The following TMEM184B variants were observed in gnomAD, a reference collection of about 807,000 sequenced individuals.
TMEM184B encodes transmembrane protein 184B, also known as putative MAPK-activating protein FM08.
TMEM184B carries 17 observed loss-of-function variants against 41.8 expected under a neutral mutation model. That is an observed-to-expected ratio of 0.41 (90% CI 0.28 to 0.61). The LOEUF is 0.61. Among genes scored for constraint, TMEM184B ranks in the 20% least tolerant of loss-of-function variants. The pLI, the probability that TMEM184B is intolerant of heterozygous loss-of-function variation, is 0.34. For synonymous variants in TMEM184B, 240 were observed against 229.5 expected, an observed-to-expected ratio of 1.05 and a Z score of -0.41; for missense variants, 393 against 557.8, an observed-to-expected ratio of 0.70 and a Z score of 2.98.
chr22:38,261,680 C>T (rs541078599), intron 1 of TMEM184B, among the ~76,000 whole-genome samples: 84 of 152,288 alleles, frequency 5.5e-4, no homozygotes, highest in African/African-American at 1.9e-3. Flanking sequence ...ATTGTTGAGC[C>T]CCTCTACATG....
chr22:38,237,888 G>C (rs1432316646), intron 3 of TMEM184B, among the ~76,000 whole-genome samples: 1 of 151,370 alleles, frequency 6.6e-6, no homozygotes, highest in Non-Finnish European at 1.5e-5. Flanking sequence ...TGCAACCTCT[G>C]CCTCCTGGGT....
In TMEM184B at chr22:38,221,443, A is replaced by G. The variant is rs1203840021; in HGVS notation, c.*26T>C. On this transcript the variant is annotated 3_prime_UTR_variant, in exon 9 of 9. Coordinates refer to ENST00000361906, the MANE Select transcript of TMEM184B (RefSeq NM_012264.5). ...ACAGCCTGACCGTGGCTATGGCGCC[A>G]GCACTTCCGCCACTGCAGCCCGCAC... The G allele has an allele frequency of 1.3e-6, 2 of 1,571,526 alleles. No individual in the cohort carries two copies. Among genetic ancestry groups the G allele is most frequent in the South Asian group, 2.4e-5 (2 of 84,812 alleles).
downstream of TMEM184B, among the ~76,000 whole-genome samples, chr22:38,218,232 T>G (rs1211128624): frequency 6.6e-6 from 1 of 152,154 alleles, no homozygotes; most frequent in Non-Finnish European, 1.5e-5. Flanking sequence ...CTCACTAATT[T>G]CAACCCAATC....
chr22:38,251,911 T>TTTTTTTA (rs57083004), intron 1 of TMEM184B, among the ~76,000 whole-genome samples: 1 of 151,570 alleles, frequency 6.6e-6, no homozygotes, highest in African/African-American at 2.4e-5. Flanking sequence ...TTTTTTTTTT[T>TTTTTTTA]GAGACAAGAG....
intron 3 of TMEM184B, among the ~76,000 whole-genome samples, chr22:38,235,110 A>C (rs1248966765): frequency 1.3e-5 from 2 of 152,202 alleles, no homozygotes; most frequent in Non-Finnish European, 2.9e-5. Flanking sequence ...CACTGAAGGA[A>C]GGAATGGACA....
At position 38,226,991 on chromosome 22, in the gene TMEM184B, A is replaced by AGGACGGAGGGATGGAG. The variant is rs1404354702; in HGVS notation, c.526-137_526-122dup. The AGGACGGAGGGATGGAG allele has an allele frequency of 1.0e-6, 1 of 971,044 alleles. No individual in the cohort carries two copies. Among genetic ancestry groups the AGGACGGAGGGATGGAG allele is most frequent in the Non-Finnish European group, 1.5e-6 (1 of 650,430 alleles). The allele number at this position is 971,044 out of a possible 1,614,324, so 60.2% of individuals were successfully genotyped here. On this transcript the variant is annotated intron_variant, in intron 5 of 8. Transcript: ENST00000361906. This position sits in a 1 kb window ranked among gnomAD's most constrained non-coding sequence, Gnocchi z 4.6. ...GACAGAGAGGATGAAGGAGACGGAGAGGACGGAGGGATGGAGGGACGGAGG... is the reference window on the plus strand; with the variant it reads ...GACAGAGAGGATGAAGGAGACGGAGAGGACGGAGGGATGGAGGGACGGAGGGATGGAGGGACGGAGG...
intron 1 of TMEM184B, among the ~76,000 whole-genome samples, chr22:38,251,158 A>G (rs558948923): frequency 6.6e-6 from 1 of 152,284 alleles, no homozygotes; most frequent in African/African-American, 2.4e-5. Context: ...AGAAGCCACC[A>G]TGGCTGGGAG....
At chr22:38,227,783 A>T (rs558443927) in intron 5 of TMEM184B, among the ~76,000 whole-genome samples, 1 of 152,184 alleles carries the variant, frequency 6.6e-6, no homozygotes, top group East Asian at 1.9e-4. Flanking sequence ...TCTTCTCGGG[A>T]GTCTCCCGCC....
Position 38,220,972 on chromosome 22 carries a change from C to T in TMEM184B, c.*497G>A, listed in dbSNP as rs1449341010. ...GAGCGCCCACATCCCCACTCCTGCC[C>T]GGGGTGAGGTGAATCTAGCACTGGA... On this transcript the variant is annotated 3_prime_UTR_variant, in exon 9 of 9. Coordinates refer to ENST00000361906, the MANE Select transcript of TMEM184B (RefSeq NM_012264.5). 4 of 990,498 alleles carry T rather than the reference C, an allele frequency of 4.0e-6. No homozygotes were observed. Among genetic ancestry groups the T allele is most frequent in the Non-Finnish European group, 4.8e-6 (4 of 833,228 alleles). 61.4% of individuals were successfully genotyped at this position (990,498 alleles called of 1,614,324 possible).
intron 8 of TMEM184B, 100 bp downstream of exon 8, chr22:38,224,685 C>T: frequency 7.8e-7 from 1 of 1,287,242 alleles, no homozygotes; most frequent in Non-Finnish European, 1.0e-6. Context: ...CATGTCCTGA[C>T]CCAGCCGCAC....
In TMEM184B at chr22:38,221,692, T is replaced by C. The variant is rs2091264464; in HGVS notation, c.1001A>G (p.Lys334Arg). The stretch of plus-strand genomic sequence containing the variant: ...CTCCTTGAGGCTGCTGGAGATGCTC[T>C]TCATGGGGGCACAGCGGCCTGCCGG... ...LDAQGRCAPMKSISSSLKETM... is the reference protein window; with the variant it reads ...LDAQGRCAPMRSISSSLKETM... The change falls in exon 9 of 9, where the codon AAG becomes AGG. Residue 334 changes from lysine to arginine, a missense_variant. Physicochemically the swap from Lys to Arg is conservative, Grantham distance 26. Around this residue, in one of 2 missense-constraint regions of TMEM184B, gnomAD observed 271 missense variants for 434.1 expected, o/e 0.62. Coordinates refer to ENST00000361906, the MANE Select transcript of TMEM184B (RefSeq NM_012264.5). 1.2e-6 allele frequency: 2 copies of C among 1,613,768 alleles called. No individual in the cohort carries two copies. Among genetic ancestry groups the C allele is most frequent in the Admixed American group, 1.7e-5 (1 of 60,008 alleles).
intron 3 of TMEM184B, among the ~76,000 whole-genome samples, chr22:38,241,883 CA>C (rs34060428): frequency 0.06 from 1,932 of 32,452 alleles, 18 homozygotes; most frequent in African/African-American, 0.15. Flanking sequence ...GACTCCGTCT[CA>C]AAAAAAAAAA....
intron 5 of TMEM184B, among the ~76,000 whole-genome samples, chr22:38,229,106 G>A (rs529855245): frequency 1.3e-5 from 2 of 152,400 alleles, no homozygotes; most frequent in South Asian, 4.1e-4. Flanking sequence ...CTTTGTGGGT[G>A]TGCCCGCCCT....
chr22:38,246,902 C>T (rs1282129812), intron 2 of TMEM184B: 10 of 1,297,068 alleles, frequency 7.7e-6, no homozygotes, highest in Admixed American at 2.4e-5. Flanking sequence ...AGGAAAAGAA[C>T]AAAATATTCT....
chr22:38,250,242 C>T (rs923719016), intron 1 of TMEM184B, among the ~76,000 whole-genome samples: 12 of 152,242 alleles, frequency 7.9e-5, no homozygotes, highest in African/African-American at 2.4e-4. Context: ...CTGCACTGCC[C>T]GCCTGCACCC....
intron 5 of TMEM184B, among the ~76,000 whole-genome samples, chr22:38,230,292 T>A (rs574354037): frequency 5.9e-5 from 9 of 152,374 alleles, no homozygotes; most frequent in Admixed American, 5.9e-4. Flanking sequence ...AGAGGCCTGT[T>A]CTGGCGTGTG....
At chr22:38,260,746 C>T (rs1456695676) in intron 1 of TMEM184B, among the ~76,000 whole-genome samples, 5 of 152,330 alleles carry the variant, frequency 3.3e-5, no homozygotes, top group East Asian at 3.9e-4. Flanking sequence ...CTTCCTCCTT[C>T]GGCCAGCCTG....
chr22:38,254,277 G>T (rs572289920), intron 1 of TMEM184B, among the ~76,000 whole-genome samples: 21 of 150,290 alleles, frequency 1.4e-4, no homozygotes, highest in Admixed American at 1.3e-3. Context: ...CAAAATACAT[G>T]AACAGATATC....
chr22:38,224,836 G>T lies in TMEM184B; in HGVS notation c.931C>A (p.Arg311=), dbSNP rs772675295. Residue 311 remains arginine (R), a synonymous_variant, in exon 8 of 9, where the codon CGG becomes AGG. Transcript: ENST00000361906. ...TAGACCTTGTAGGTGAAGGCGTGCC[G>T]CAGGGCCAGGGCTGCAAAGAACATC... The part of the protein sequence containing the change: ...VEMFFAALAL[R]HAFTYKVYAD... 1 of 1,613,102 alleles carries T rather than the reference G, an allele frequency of 6.2e-7. No individual in the cohort carries two copies. The highest frequency in any genetic ancestry group is 8.5e-7 in the Non-Finnish European group (1 of 1,179,604).
Sources: allele counts gnomAD v4.1 joint callset (sites outside exome capture counted in the v4.1 genomes callset), GRCh38; gene constraint gnomAD v4.1.1; regional missense constraint gnomAD v4.1.1; non-coding constraint Gnocchi (gnomAD v3.1); transcripts MANE v1.5; gene names NCBI Gene and HGNC (gene_info 2026-07-23, HGNC 2026-07-21).